HIVEP3: variants seen among roughly 807,000 people sequenced by gnomAD.
The protein encoded by HIVEP3 is transcription factor HIVEP3.
Under a neutral mutation model 152.8 loss-of-function variants are expected in HIVEP3, and 49 were observed. The ratio of observed to expected loss-of-function variants is 0.32; its 90% CI spans 0.26 to 0.41. The LOEUF is 0.41. Among genes scored for constraint, HIVEP3 ranks in the 10% least tolerant of loss-of-function variants. The pLI is 1.00. For synonymous variants in HIVEP3, 1,269 were observed against 1,289.0 expected, an observed-to-expected ratio of 0.98 and a Z score of 0.33; for missense variants, 2,790 against 3,103.3, an observed-to-expected ratio of 0.90 and a Z score of 2.40.
intron 6 of HIVEP3, among the ~76,000 whole-genome samples, chr1:41,519,007 TA>T (rs1347055695): frequency 1.3e-5 from 2 of 152,060 alleles, no homozygotes; most frequent in Admixed American, 6.5e-5. Context: ...GGCAGAATTC[TA>T]AAGTGTAGGT....
chr1:41,868,252 A>G (rs975579575), intron 1 of HIVEP3, among the ~76,000 whole-genome samples: 7 of 150,464 alleles, frequency 4.7e-5, no homozygotes, highest in Non-Finnish European at 8.9e-5. Flanking sequence ...TGTCAAATAG[A>G]GTCTGACTTC....
chr1:41,623,431 G>C (rs1645073347), intron 3 of HIVEP3, among the ~76,000 whole-genome samples: 1 of 152,162 alleles, frequency 6.6e-6, no homozygotes, highest in Non-Finnish European at 1.5e-5. Context: ...AAACAAACAG[G>C]GCTATGTAAA....
chr1:41,986,830 G>T (rs546129443), intron 1 of HIVEP3, among the ~76,000 whole-genome samples: 35 of 152,252 alleles, frequency 2.3e-4, no homozygotes, highest in African/African-American at 7.9e-4. Context: ...AGTATTAAAT[G>T]AATACTATTT....
chr1:41,915,362 CT>C (rs1644855032), intron 1 of HIVEP3, among the ~76,000 whole-genome samples: 1 of 152,086 alleles, frequency 6.6e-6, no homozygotes, highest in Non-Finnish European at 1.5e-5. Context: ...ATTCTTGTGC[CT>C]TTTAAATTTT....
At chr1:42,003,439 CCT>C (rs112742422) in intron 1 of HIVEP3, among the ~76,000 whole-genome samples, 1,892 of 152,264 alleles carry the variant, frequency 0.012, 38 homozygotes, top group African/African-American at 0.044. Context: ...TAAATGAGCC[CCT>C]GTTGTTTCTG....
At chr1:41,526,106 G>T (rs1412858516) in intron 5 of HIVEP3, among the ~76,000 whole-genome samples, 11 of 151,936 alleles carry the variant, frequency 7.2e-5, no homozygotes, top group Admixed American at 6.6e-4. Flanking sequence ...GGGGCGGGGG[G>T]GCTCCACCCT....
At chr1:41,940,739 G>A (rs1398848493) in intron 1 of HIVEP3, among the ~76,000 whole-genome samples, 6 of 152,100 alleles carry the variant, frequency 3.9e-5, no homozygotes, top group Non-Finnish European at 5.9e-5. Context: ...GAAAAAAATT[G>A]AGAATGAAAG....
chr1:41,840,036 A>C (rs560214138), intron 1 of HIVEP3, among the ~76,000 whole-genome samples: 3 of 152,298 alleles, frequency 2.0e-5, no homozygotes. Context: ...CCATCATCTC[A>C]GGAAGATCGA....
At chr1:41,889,712 C>T (rs985450981) in intron 1 of HIVEP3, among the ~76,000 whole-genome samples, 1 of 152,128 alleles carries the variant, frequency 6.6e-6, no homozygotes, top group Non-Finnish European at 1.5e-5. Flanking sequence ...GGAATGAGGG[C>T]ACCCATTGTC....
intron 1 of HIVEP3, among the ~76,000 whole-genome samples, chr1:41,930,599 C>T (rs867517332): frequency 2.0e-5 from 3 of 152,224 alleles, no homozygotes; most frequent in Middle Eastern, 6.8e-3. Flanking sequence ...TCTAAGTGAA[C>T]ACAAAATTTC....
intron 2 of HIVEP3, among the ~76,000 whole-genome samples, chr1:41,633,636 A>G (rs543813767): frequency 2.6e-5 from 4 of 152,226 alleles, no homozygotes; most frequent in Non-Finnish European, 5.9e-5. Flanking sequence ...CTACTCTTCA[A>G]TCAACAGCTG....
At chr1:41,570,005 T>A (rs1034641373) in intron 5 of HIVEP3, among the ~76,000 whole-genome samples, 7 of 152,220 alleles carry the variant, frequency 4.6e-5, no homozygotes, top group African/African-American at 1.7e-4. Context: ...GGTTCACTGA[T>A]GTGCAGGTGG....
intron 1 of HIVEP3, among the ~76,000 whole-genome samples, chr1:41,911,857 T>G (rs1169954621): frequency 1.3e-5 from 2 of 152,032 alleles, no homozygotes; most frequent in Non-Finnish European, 2.9e-5. Flanking sequence ...CCATGCCAGG[T>G]GTAATCCCTT....
At chr1:41,914,075 C>T (rs1644835998) in intron 1 of HIVEP3, among the ~76,000 whole-genome samples, 1 of 152,128 alleles carries the variant, frequency 6.6e-6, no homozygotes, top group Non-Finnish European at 1.5e-5. Flanking sequence ...ACAAGAATTC[C>T]AGCTGCACCT....
chr1:41,933,594 G>A (rs929499329), intron 1 of HIVEP3, among the ~76,000 whole-genome samples: 2 of 152,008 alleles, frequency 1.3e-5, no homozygotes, highest in Admixed American at 6.6e-5. Flanking sequence ...TGTATAGCTG[G>A]TTCTTAATTT....
chr1:41,871,093 T>C (rs1182087490), intron 1 of HIVEP3, among the ~76,000 whole-genome samples: 1 of 152,228 alleles, frequency 6.6e-6, no homozygotes, highest in African/African-American at 2.4e-5. Context: ...GACTTGGACA[T>C]ACTGTCACTA....
chr1:41,512,922 C>T lies in HIVEP3; in HGVS notation c.6299G>A (p.Gly2100Glu). The change falls in exon 8 of 9, where the codon GGG (glycine) becomes GAG (glutamate). Residue 2100 changes from glycine to glutamate, a missense_variant. By Grantham distance (98) the Gly-to-Glu change is moderately conservative. Coordinates refer to ENST00000372583, the MANE Select transcript of HIVEP3 (RefSeq NM_024503.5). ...CAGCCCCAAGCCTGGGCCATGCTCC[C>T]CCGCTGAGGGGCTGCCCGGCCCAGC... is the stretch of plus-strand genomic sequence containing the variant. Reference protein sequence around the residue: ...ALAGPGSPSAGEHGPGLGLDP... With the variant: ...ALAGPGSPSAEEHGPGLGLDP... 6.3e-7 allele frequency: 1 copy of T among 1,594,232 alleles called. No individual in the cohort carries two copies. The highest frequency in any genetic ancestry group is 1.1e-5 in the South Asian group (1 of 88,814).
chr1:41,909,016 G>T (rs1644757188), intron 1 of HIVEP3, among the ~76,000 whole-genome samples: 2 of 152,058 alleles, frequency 1.3e-5, no homozygotes, highest in African/African-American at 4.8e-5. Context: ...CAATTTAAAG[G>T]AACCAGAAGG....
chr1:41,999,247 GAAAATAT>G (rs1049380622), intron 1 of HIVEP3, among the ~76,000 whole-genome samples: 25 of 151,912 alleles, frequency 1.6e-4, no homozygotes, highest in Non-Finnish European at 7.4e-5. Flanking sequence ...AGAAAGTGTA[GAAAATAT>G]AAACCAACTA....
Sources: allele counts gnomAD v4.1 joint callset (sites outside exome capture counted in the v4.1 genomes callset), GRCh38; gene constraint gnomAD v4.1.1; transcripts MANE v1.5; gene names NCBI Gene and HGNC (gene_info 2026-07-23, HGNC 2026-07-21).